The following ARHGAP23 variants were observed in gnomAD, a reference collection of about 807,000 sequenced individuals.
ARHGAP23 encodes the protein Rho GTPase activating protein 23.
A neutral mutation model predicts 136.3 loss-of-function variants in ARHGAP23; 34 were observed. The ratio of observed to expected loss-of-function variants is 0.25; its 90% CI spans 0.19 to 0.33. The LOEUF (loss-of-function observed/expected upper bound fraction) is 0.33. Among genes scored for constraint, ARHGAP23 ranks in the 10% least tolerant of loss-of-function variants. The pLI, the probability that ARHGAP23 is intolerant of heterozygous loss-of-function variation, is 1.00. For missense variants in ARHGAP23, 1,808 were observed against 2,139.0 expected (o/e 0.85, Z 3.05); for synonymous variants, 832 against 920.5 (o/e 0.90, Z 1.74).
In ARHGAP23 at chr17:38,512,294, C is replaced by T. The variant is rs1449196748; in HGVS notation, c.*1322C>T. 1 of 152,250 alleles carries T rather than the reference C, an allele frequency of 6.6e-6. No homozygotes were observed. The highest frequency in any genetic ancestry group is 2.4e-5 in the African/African-American group (1 of 41,458). 9.4% of individuals were successfully genotyped at this position (152,250 alleles called of 1,614,324 possible). ...GGCTCCTTTCACTGTGTCCTTGACA[C>T]ACCTCTCTGGCAACAACTAAAATTT... On this transcript the variant is annotated 3_prime_UTR_variant, in exon 24 of 24. Coordinates refer to ENST00000622683, the MANE Select transcript of ARHGAP23 (RefSeq NM_001199417.2).
chr17:38,431,476 G>C (rs2038684390), intron 1 of ARHGAP23, among the ~76,000 whole-genome samples: 1 of 152,152 alleles, frequency 6.6e-6, no homozygotes, highest in Non-Finnish European at 1.5e-5. Flanking sequence ...GTGGGAGCTG[G>C]TGCTGCCTTT....
intron 1 of ARHGAP23, among the ~76,000 whole-genome samples, chr17:38,454,336 C>T (rs953371898): frequency 6.6e-6 from 1 of 152,122 alleles, no homozygotes; most frequent in Admixed American, 6.5e-5. Context: ...GGAGCTCTGC[C>T]AGGGCTTCTG....
At chr17:38,499,982 C>G (rs2040486141) in intron 22 of ARHGAP23, among the ~76,000 whole-genome samples, 1 of 152,148 alleles carries the variant, frequency 6.6e-6, no homozygotes, top group Non-Finnish European at 1.5e-5. Flanking sequence ...GGACCCTGCC[C>G]ATGAGGCAGG....
chr17:38,510,544 A>T lies in ARHGAP23; in HGVS notation c.4048A>T (p.Ser1350Cys). 1 of 1,193,366 alleles carries T rather than the reference A, an allele frequency of 8.4e-7. No individual in the cohort carries two copies. The highest frequency in any genetic ancestry group is 1.0e-6 in the Non-Finnish European group (1 of 966,000). The allele number at this position is 1,193,366 out of a possible 1,614,324, so 73.9% of individuals were successfully genotyped here. Reference sequence around the variant, plus strand: ...GGAGCCGCCCGGCTCGGCGTCGTCCAGCAGCCAGGAGTCGCTGCGGCCCCC... The same window carrying T: ...GGAGCCGCCCGGCTCGGCGTCGTCCTGCAGCCAGGAGTCGCTGCGGCCCCC... ...APEPPGSASS[S>C]SQESLRPPAA... Residue 1350 changes from serine (S) to cysteine (C), a missense_variant, in exon 24 of 24, where the codon AGC (serine) becomes TGC (cysteine). Physicochemically the swap from Ser to Cys is moderately radical, Grantham distance 112 (BLOSUM62 -1). This residue lies in a region of ARHGAP23 where 506 missense variants were observed against 455.8 expected (regional missense o/e 1.11). Coordinates refer to ENST00000622683, the MANE Select transcript of ARHGAP23 (RefSeq NM_001199417.2). This position sits in a 1 kb window ranked among gnomAD's most constrained non-coding sequence, Gnocchi z 4.6.
intron 1 of ARHGAP23, among the ~76,000 whole-genome samples, chr17:38,446,174 C>T (rs887007186): frequency 7.1e-6 from 1 of 141,052 alleles, no homozygotes; most frequent in African/African-American, 2.7e-5. Flanking sequence ...GCCACCACAC[C>T]TGGCTAATTT....
intron 16 of ARHGAP23, among the ~76,000 whole-genome samples, chr17:38,484,508 G>A (rs1449690119): frequency 2.0e-5 from 3 of 152,148 alleles, no homozygotes; most frequent in Admixed American, 2.0e-4. Context: ...AACAGCAGGG[G>A]CCACGCTCTG....
chr17:38,444,684 G>A (rs1283240951), intron 1 of ARHGAP23, among the ~76,000 whole-genome samples: 1 of 152,182 alleles, frequency 6.6e-6, no homozygotes, highest in Non-Finnish European at 1.5e-5. Flanking sequence ...TAGAGACTCT[G>A]AGGAGGTGCA....
At chr17:38,485,957 C>T in intron 16 of ARHGAP23, 105 bp from the exon 17 acceptor site, 1 of 1,072,126 alleles carries the variant, frequency 9.3e-7, no homozygotes, top group Non-Finnish European at 1.4e-6. Flanking sequence ...TAAGTAGGTC[C>T]CAGGGAGGGC....
intron 16 of ARHGAP23, 78 bp from the exon 17 acceptor site, chr17:38,485,984 G>T: frequency 7.2e-7 from 1 of 1,381,314 alleles, no homozygotes; most frequent in East Asian, 2.5e-5. Context: ...GGCTTGATTG[G>T]GCTCTGGGGT....
upstream of ARHGAP23, among the ~76,000 whole-genome samples, chr17:38,426,133 C>T (rs938148156): frequency 6.6e-6 from 1 of 152,010 alleles, no homozygotes; most frequent in African/African-American, 2.4e-5. Context: ...CAGAGACAAC[C>T]CTTTATCCTG....
chr17:38,482,208 C>A, intron 15 of ARHGAP23, 65 bp downstream of exon 15: 2 of 1,526,888 alleles, frequency 1.3e-6, no homozygotes, highest in Admixed American at 2.3e-5. Context: ...AGGGTCAGAG[C>A]AGCAAGGGAC....
chr17:38,498,524 C>G lies in ARHGAP23; in HGVS notation c.3415+14C>G. On this transcript the variant is annotated intron_variant, in intron 22 of 23. Coordinates refer to ENST00000622683, the MANE Select transcript of ARHGAP23 (RefSeq NM_001199417.2). ...ACCCGGGGTCAGGTGAGCGCAGGGG[C>G]CTGGGAGTGGGGAGGCGGGAGGTTG... 2 of 1,528,186 alleles carry G rather than the reference C, an allele frequency of 1.3e-6. No individual in the cohort carries two copies. The highest frequency in any genetic ancestry group is 1.8e-6 in the Non-Finnish European group (2 of 1,134,688). 94.7% of individuals were successfully genotyped at this position (1,528,186 alleles called of 1,614,324 possible).
intron 1 of ARHGAP23, among the ~76,000 whole-genome samples, chr17:38,443,024 C>A (rs149296701): frequency 6.6e-6 from 1 of 152,314 alleles, no homozygotes; most frequent in East Asian, 1.9e-4. Context: ...GCTGCTATCT[C>A]TGTCTTTATT....
intron 23 of ARHGAP23, among the ~76,000 whole-genome samples, chr17:38,507,324 G>T (rs948146637): frequency 2.9e-5 from 3 of 104,862 alleles, no homozygotes; most frequent in African/African-American, 1.2e-4. Flanking sequence ...CCTGGTGCAA[G>T]GGTCCCCTGT....
chr17:38,444,860 C>T (rs147745298), intron 1 of ARHGAP23, among the ~76,000 whole-genome samples: 1 of 151,764 alleles, frequency 6.6e-6, no homozygotes, highest in South Asian at 2.1e-4. Context: ...TCTTGCCGTC[C>T]AGGCTGGAGT....
intron 1 of ARHGAP23, among the ~76,000 whole-genome samples, chr17:38,441,509 T>C (rs887848818): frequency 2.0e-5 from 3 of 152,116 alleles, no homozygotes; most frequent in Non-Finnish European, 4.4e-5. Flanking sequence ...TCCCTCATCA[T>C]GGAAGAGCCC....
At chr17:38,499,047 T>A in intron 22 of ARHGAP23, 2 of 691,282 alleles carry the variant, frequency 2.9e-6, no homozygotes, top group Non-Finnish European at 2.6e-6. Context: ...TGTCCCGGAC[T>A]GTGAGGACCC....
chr17:38,460,203 C>T (rs2039424680), intron 2 of ARHGAP23, among the ~76,000 whole-genome samples: 1 of 152,320 alleles, frequency 6.6e-6, no homozygotes, highest in South Asian at 2.1e-4. Flanking sequence ...CAGTGGGTCC[C>T]CTTGACACCC....
chr17:38,492,880 G>T (rs1478251692), intron 20 of ARHGAP23, among the ~76,000 whole-genome samples: 3 of 152,236 alleles, frequency 2.0e-5, no homozygotes, highest in African/African-American at 7.2e-5. Context: ...TCCCGTGAGG[G>T]TGTGTTTTGG....
Sources: allele counts gnomAD v4.1 joint callset (sites outside exome capture counted in the v4.1 genomes callset), GRCh38; gene constraint gnomAD v4.1.1; regional missense constraint gnomAD v4.1.1; non-coding constraint Gnocchi (gnomAD v3.1); transcripts MANE v1.5; gene names NCBI Gene and HGNC (gene_info 2026-07-23, HGNC 2026-07-21).